The following PCDHGB6 variants were observed in gnomAD, a reference collection of about 807,000 sequenced individuals.
The protein encoded by PCDHGB6 is protocadherin gamma-B6.
In PCDHGB6, 51 loss-of-function variants were observed where a neutral mutation model predicts 59.1. The ratio of observed to expected loss-of-function variants is 0.86; its 90% CI spans 0.69 to 1.09. PCDHGB6 has a LOEUF of 1.09. PCDHGB6 is among the 50% of genes least tolerant of loss of function. PCDHGB6 has a pLI of 0.00. For synonymous variants in PCDHGB6, 466 were observed against 495.1 expected, an observed-to-expected ratio of 0.94 and a Z score of 0.78; for missense variants, 1,148 against 1,205.1, an observed-to-expected ratio of 0.95 and a Z score of 0.70.
intron 1 of PCDHGB6, chr5:141,415,444 T>A (rs770800491): frequency 1.9e-6 from 3 of 1,614,184 alleles, no homozygotes; most frequent in Non-Finnish European, 2.5e-6. Context: ...CCTGCAGACC[T>A]ATTCCCACGA....
At chr5:141,428,004 G>A in intron 1 of PCDHGB6, 1 of 1,601,732 alleles carries the variant, frequency 6.2e-7, no homozygotes, top group Non-Finnish European at 8.5e-7. Flanking sequence ...CGCACTCTTC[G>A]ATATAGTGCC....
chr5:141,492,320 G>T (rs1001784912), intron 1 of PCDHGB6, among the ~76,000 whole-genome samples: 1 of 152,206 alleles, frequency 6.6e-6, no homozygotes, highest in Non-Finnish European at 1.5e-5. Context: ...CTCCTCGCAC[G>T]TGGGCTTACG....
chr5:141,508,479 T>G (rs1361434920), intron 3 of PCDHGB6, among the ~76,000 whole-genome samples: 1 of 152,152 alleles, frequency 6.6e-6, no homozygotes, highest in Non-Finnish European at 1.5e-5. Flanking sequence ...TCTTTTACAT[T>G]CTGGATTTCC....
At chr5:141,499,707 T>G (rs1303008532) in intron 2 of PCDHGB6, among the ~76,000 whole-genome samples, 2 of 150,494 alleles carry the variant, frequency 1.3e-5, no homozygotes, top group African/African-American at 2.5e-5. Flanking sequence ...TTTTTTTTTT[T>G]TTTTGGAGAC....
chr5:141,473,763 G>A (rs1333191998), intron 1 of PCDHGB6, among the ~76,000 whole-genome samples: 1 of 152,204 alleles, frequency 6.6e-6, no homozygotes, highest in African/African-American at 2.4e-5. Context: ...ACTATGCAAA[G>A]GATTTGGTAT....
chr5:141,430,369 A>G (rs564811230), intron 1 of PCDHGB6, among the ~76,000 whole-genome samples: 1 of 151,582 alleles, frequency 6.6e-6, no homozygotes, highest in East Asian at 1.9e-4. Flanking sequence ...ATTGGGGAAA[A>G]AAAAGCTCAT....
At chr5:141,450,829 A>T (rs187691791) in intron 1 of PCDHGB6, among the ~76,000 whole-genome samples, 19,077 of 135,014 alleles carry the variant, frequency 0.14, 1,595 homozygotes, top group African/African-American at 0.24. Context: ...TATTATTATT[A>T]TTTTTTTTTT....
At chr5:141,455,075 G>A (rs1050636999) in intron 1 of PCDHGB6, among the ~76,000 whole-genome samples, 2 of 151,830 alleles carry the variant, frequency 1.3e-5, no homozygotes, top group African/African-American at 4.8e-5. Context: ...GCCTCCCAAA[G>A]TGCTGGGATT....
Position 141,431,645 on chromosome 5 carries a change from T to C in PCDHGB6, c.2418+21025T>C. ...GGCGGCCCAAGTTTTCAAACTAGAT[T>C]GTAATTCAGGGACAATATCAACAAT... is the stretch of plus-strand genomic sequence containing the variant. On this transcript the variant is annotated intron_variant, in intron 1 of 3. Coordinates refer to ENST00000520790, the MANE Select transcript of PCDHGB6 (RefSeq NM_018926.3). This position sits in a 1 kb window ranked among gnomAD's most constrained non-coding sequence, Gnocchi z 4.8. 6.2e-7 allele frequency: 1 copy of C among 1,614,236 alleles called. No individual in the cohort carries two copies.
intron 1 of PCDHGB6, chr5:141,418,007 C>T: frequency 6.2e-7 from 1 of 1,613,904 alleles, no homozygotes; most frequent in Non-Finnish European, 8.5e-7. Flanking sequence ...GGTGGGGAAC[C>T]TCGCTAAGGA....
At chr5:141,419,172 T>A in intron 1 of PCDHGB6, 1 of 1,613,914 alleles carries the variant, frequency 6.2e-7, no homozygotes, top group Non-Finnish European at 8.5e-7. Context: ...AGCAAAACCA[T>A]AACCCTGCAC....
In PCDHGB6 at chr5:141,431,716, G is replaced by T; in HGVS notation, c.2418+21096G>T. On this transcript the variant is annotated intron_variant, in intron 1 of 3. Transcript: ENST00000520790. The surrounding 1 kb of genome is among the most constrained non-coding windows in gnomAD (Gnocchi z 4.8). ...AGTCAGGATTCTACCAGATGGAAGT[G>T]CAAGCAATGGATAATGCAGGATATT... 1 of 1,614,244 alleles carries T rather than the reference G, an allele frequency of 6.2e-7. No homozygotes were observed. Among genetic ancestry groups the T allele is most frequent in the Middle Eastern group, 1.6e-4 (1 of 6,062 alleles).
chr5:141,495,726 C>T (rs2099763293), intron 2 of PCDHGB6, among the ~76,000 whole-genome samples: 1 of 152,070 alleles, frequency 6.6e-6, no homozygotes, highest in Non-Finnish European at 1.5e-5. Flanking sequence ...ACACGGGACC[C>T]TTAGTCTCTT....
chr5:141,432,087 C>G lies in PCDHGB6; in HGVS notation c.2418+21467C>G. On this transcript the variant is annotated intron_variant, in intron 1 of 3. Coordinates refer to ENST00000520790, the MANE Select transcript of PCDHGB6 (RefSeq NM_018926.3). This position sits in a 1 kb window ranked among gnomAD's most constrained non-coding sequence, Gnocchi z 6.0. ...GAAACTCATATCTCGCTGAACGTGG[C>G]AGACACCAACGACAACCCGCCGGTC... 3 of 1,614,178 alleles carry G rather than the reference C, an allele frequency of 1.9e-6. No homozygotes were observed. The highest frequency in any genetic ancestry group is 2.5e-6 in the Non-Finnish European group (3 of 1,180,042).
At position 141,410,750 on chromosome 5, in the gene PCDHGB6, A is replaced by G. The variant is rs1256862831; in HGVS notation, c.2418+130A>G. Reference sequence around the variant, plus strand: ...CATAGCTTTTTACAATATTTTCTCAATGTTTTTTCAATTATAGTTTTCACT... The same window carrying G: ...CATAGCTTTTTACAATATTTTCTCAGTGTTTTTTCAATTATAGTTTTCACT... On this transcript the variant is annotated intron_variant, in intron 1 of 3. Coordinates refer to ENST00000520790, the MANE Select transcript of PCDHGB6 (RefSeq NM_018926.3). 23 of 1,243,022 alleles carry G rather than the reference A, an allele frequency of 1.9e-5. No homozygotes were observed. The East Asian group carries it at 4.4e-4, about 24-fold the overall frequency. 77.0% of individuals were successfully genotyped at this position (1,243,022 alleles called of 1,614,324 possible). A position where few individuals can be genotyped will look rare whatever the true frequency, so the allele number is the denominator to read the frequency against.
At chr5:141,419,104 C>T (rs756257411) in intron 1 of PCDHGB6, 75 of 1,613,732 alleles carry the variant, frequency 4.6e-5, no homozygotes, top group Non-Finnish European at 5.9e-5. Context: ...GGGAGCAGAC[C>T]CCAGAGTACA....
chr5:141,440,503 G>A (rs979260104), intron 1 of PCDHGB6: 10 of 152,154 alleles, frequency 6.6e-5, no homozygotes, highest in Non-Finnish European at 1.0e-4. Flanking sequence ...ACATTAATAT[G>A]GAGATTCAGG....
chr5:141,417,709 C>T lies in PCDHGB6; in HGVS notation c.2418+7089C>T, dbSNP rs533902963. 1.5e-5 allele frequency: 18 copies of T among 1,238,872 alleles called. No individual in the cohort carries two copies. The East Asian group carries it at 1.8e-4, about 12-fold the overall frequency. 76.7% of individuals were successfully genotyped at this position (1,238,872 alleles called of 1,614,324 possible). ...AAGAAAACCAGCTCCCACACAGAGG[C>T]TCCCGGCTGCGCAGACCTTGCCCAG... On this transcript the variant is annotated intron_variant, in intron 1 of 3. Coordinates refer to ENST00000520790, the MANE Select transcript of PCDHGB6 (RefSeq NM_018926.3).
At position 141,491,752 on chromosome 5, in the gene PCDHGB6, G is replaced by C. The variant is rs1464731659; in HGVS notation, c.2419-3055G>C. 6 of 1,586,646 alleles carry C rather than the reference G, an allele frequency of 3.8e-6. No homozygotes were observed. The African/African-American group carries it at 8.1e-5, about 21-fold the overall frequency. On this transcript the variant is annotated intron_variant, in intron 1 of 3. Transcript: ENST00000520790. The surrounding 1 kb of genome is among the most constrained non-coding windows in gnomAD (Gnocchi z 6.9). ...GACCCCTGGGGGCGGCACTGGAGAA[G>C]CCGCCCGTCCTCATAAGGGATTGAA...
Sources: allele counts gnomAD v4.1 joint callset (sites outside exome capture counted in the v4.1 genomes callset), GRCh38; gene constraint gnomAD v4.1.1; non-coding constraint Gnocchi (gnomAD v3.1); transcripts MANE v1.5; gene names NCBI Gene and HGNC (gene_info 2026-07-23, HGNC 2026-07-21).